Variants in HK1 observed in about 807,000 individuals in gnomAD.
HK1 encodes hexokinase 1.
A neutral mutation model predicts 91.6 loss-of-function variants in HK1; 28 were observed. The ratio of observed to expected loss-of-function variants is 0.31; its 90% CI spans 0.23 to 0.42. The LOEUF (loss-of-function observed/expected upper bound fraction) is 0.42. Ranked by LOEUF, HK1 falls within the 10% of genes least tolerant of loss-of-function variation. The pLI is 1.00. For synonymous variants in HK1, 430 were observed against 468.1 expected, an observed-to-expected ratio of 0.92 and a Z score of 1.05; for missense variants, 770 against 1,219.8, an observed-to-expected ratio of 0.63 and a Z score of 5.49.
upstream of HK1, among the ~76,000 whole-genome samples, chr10:69,311,298 G>T (rs890668204): frequency 5.3e-5 from 8 of 152,174 alleles, no homozygotes; most frequent in African/African-American, 1.9e-4. Flanking sequence ...TAGTTTTTCA[G>T]GTTAACTCTT....
upstream of HK1, chr10:69,315,892 G>C: frequency 6.5e-7 from 1 of 1,538,506 alleles, no homozygotes; most frequent in Non-Finnish European, 9.0e-7. Context: ...CACTGGGCAA[G>C]ATGGCCCACC....
intron 1 of HK1, among the ~76,000 whole-genome samples, chr10:69,340,301 C>T (rs571026282): frequency 5.9e-5 from 9 of 152,296 alleles, no homozygotes; most frequent in South Asian, 2.1e-4. Flanking sequence ...GGCTGGAGTG[C>T]GATGGCGCGA....
rs5030915 is a variant in HK1 at position 69,384,500 on chromosome 10, A to G, written c.1719+19A>G. ...GGAAGAGGTGAGATTACAAAACCAT[A>G]GTGCATGTGCACTGCACACACGGCC... On this transcript the variant is annotated intron_variant, in intron 11 of 17. Coordinates refer to ENST00000359426, the MANE Select transcript of HK1 (RefSeq NM_000188.3). 0.02 allele frequency: 33,054 copies of G among 1,614,018 alleles called. 430 individuals carry two copies. The highest frequency in any genetic ancestry group is 0.025 in the South Asian group (2,273 of 91,084).
chr10:69,351,541 CAAAA>C (rs150964944), intron 2 of HK1, among the ~76,000 whole-genome samples: 10 of 151,838 alleles, frequency 6.6e-5, no homozygotes, highest in African/African-American at 2.2e-4. Flanking sequence ...AAAAACAAAA[CAAAA>C]AAACCCAAAG....
intron 1 of HK1, among the ~76,000 whole-genome samples, chr10:69,271,388 G>C (rs1476516916): frequency 6.6e-6 from 1 of 152,010 alleles, no homozygotes. Context: ...AAATGTTAAA[G>C]TGGCACCATG....
chr10:69,294,612 T>C (rs561149495), intron 3 of HK1, among the ~76,000 whole-genome samples: 1 of 152,040 alleles, frequency 6.6e-6, no homozygotes, highest in Non-Finnish European at 1.5e-5. Context: ...ATCCCAGCAC[T>C]TGGGAAGCTG....
Position 69,401,449 on chromosome 10 carries a change from T to G in HK1, c.*314T>G. 1 of 429,508 alleles carries G rather than the reference T, an allele frequency of 2.3e-6. No individual in the cohort carries two copies. Among genetic ancestry groups the G allele is most frequent in the Non-Finnish European group, 4.4e-6 (1 of 229,816 alleles). 26.6% of individuals were successfully genotyped at this position (429,508 alleles called of 1,614,324 possible). A position where few individuals can be genotyped will look rare whatever the true frequency, so the allele number is the denominator to read the frequency against. On this transcript the variant is annotated 3_prime_UTR_variant, in exon 18 of 18. Coordinates refer to ENST00000359426, the MANE Select transcript of HK1 (RefSeq NM_000188.3). ...GCATTCATCCAACAGAGTTATTTATTGGCTGGAGATGGAAAATCACACCAC... is the reference window on the plus strand; with the variant it reads ...GCATTCATCCAACAGAGTTATTTATGGGCTGGAGATGGAAAATCACACCAC...
chr10:69,310,837 A>G (rs1054977266), upstream of HK1, among the ~76,000 whole-genome samples: 35 of 152,164 alleles, frequency 2.3e-4, no homozygotes, highest in African/African-American at 8.2e-4. Flanking sequence ...CAGGCGGATC[A>G]CCTGAGGTCA....
At chr10:69,362,994 TG>T (rs976589423) in intron 3 of HK1, among the ~76,000 whole-genome samples, 1 of 152,106 alleles carries the variant, frequency 6.6e-6, no homozygotes, top group South Asian at 2.1e-4. Flanking sequence ...AGAGCTGGCT[TG>T]GGGGGGATCT....
intron 5 of HK1, among the ~76,000 whole-genome samples, chr10:69,307,411 G>A (rs897033227): frequency 2.0e-5 from 3 of 152,128 alleles, no homozygotes; most frequent in Admixed American, 6.5e-5. Context: ...CACTTGCCAC[G>A]CTTTAGGAAT....
chr10:69,382,543 G>A lies in HK1; in HGVS notation c.1322G>A (p.Arg441His), dbSNP rs1373129992. Residue 441 changes from arginine (R) to histidine (H), a missense_variant, in exon 10 of 18, where the codon CGC (arginine) becomes CAC (histidine). Arg to His is a conservative substitution (Grantham distance 29, BLOSUM62 0). Around this residue, in one of 7 missense-constraint regions of HK1, gnomAD observed 449 missense variants for 665.1 expected, o/e 0.68. Transcript: ENST00000359426. ...LRRLVPDSDV[R>H]FLLSESGSGK... is the part of the protein sequence containing the mutation. ...CGCTTGGTGCCAGACTCCGATGTGC[G>A]CTTCCTCCTCTCGGAGAGTGGCAGC... The A allele has an allele frequency of 5.0e-6, 8 of 1,614,204 alleles. No homozygotes were observed. Among genetic ancestry groups the A allele is most frequent in the East Asian group, 2.2e-5 (1 of 44,874 alleles).
At chr10:69,346,446 A>G (rs766767089) in intron 2 of HK1, among the ~76,000 whole-genome samples, 2 of 152,136 alleles carry the variant, frequency 1.3e-5, no homozygotes, top group Non-Finnish European at 2.9e-5. Context: ...CTGAAAACAT[A>G]TCTGATACAT....
intron 2 of HK1, among the ~76,000 whole-genome samples, chr10:69,285,849 T>C (rs1845004498): frequency 6.6e-6 from 1 of 152,222 alleles, no homozygotes; most frequent in Non-Finnish European, 1.5e-5. Flanking sequence ...AAAGCAACTC[T>C]GCTTTGAATG....
chr10:69,280,020 T>A (rs1158264826), intron 1 of HK1, among the ~76,000 whole-genome samples: 3 of 152,082 alleles, frequency 2.0e-5, no homozygotes, highest in Non-Finnish European at 4.4e-5. Flanking sequence ...CGAGGAAGGA[T>A]GAAAGGATTG....
At chr10:69,310,420 CAA>C (rs745830600) in intron 5 of HK1, among the ~76,000 whole-genome samples, 13,642 of 85,164 alleles carry the variant, frequency 0.16, 478 homozygotes, top group Middle Eastern at 0.18. Flanking sequence ...GACTTTGTCT[CAA>C]AAAAAAAAAA....
chr10:69,356,686 C>G (rs2132745319), intron 2 of HK1, among the ~76,000 whole-genome samples: 1 of 152,116 alleles, frequency 6.6e-6, no homozygotes, highest in Admixed American at 6.5e-5. Flanking sequence ...AGTTCGAGAC[C>G]AGCCTGGCCA....
At chr10:69,313,020 A>G (rs775155196), upstream of HK1, among the ~76,000 whole-genome samples, 4 of 152,160 alleles carry the variant, frequency 2.6e-5, no homozygotes, top group Non-Finnish European at 5.9e-5. Context: ...GGGTTGAGTA[A>G]GGAGGAGGCT....
At chr10:69,316,324 T>C (rs1482939562), upstream of HK1, among the ~76,000 whole-genome samples, 1 of 152,154 alleles carries the variant, frequency 6.6e-6, no homozygotes, top group Non-Finnish European at 1.5e-5. Flanking sequence ...ATGACATGAT[T>C]ATGCTGCATT....
At chr10:69,291,856 G>T (rs945376599) in intron 3 of HK1, among the ~76,000 whole-genome samples, 3 of 152,066 alleles carry the variant, frequency 2.0e-5, no homozygotes, top group African/African-American at 7.2e-5. Context: ...TTTCCCTGTT[G>T]CCTTACTATT....
Sources: allele counts gnomAD v4.1 joint callset (sites outside exome capture counted in the v4.1 genomes callset), GRCh38; gene constraint gnomAD v4.1.1; regional missense constraint gnomAD v4.1.1; transcripts MANE v1.5; gene names NCBI Gene and HGNC (gene_info 2026-07-23, HGNC 2026-07-21).